TRIM58: variants seen among roughly 807,000 people sequenced by gnomAD.
The protein encoded by TRIM58 is E3 ubiquitin-protein ligase TRIM58.
In TRIM58, 38 loss-of-function variants were observed where a neutral mutation model predicts 34.1. The ratio of observed to expected loss-of-function variants is 1.12; its 90% CI spans 0.86 to 1.46. The LOEUF is 1.46. Among genes scored for constraint, TRIM58 ranks in the 40% most tolerant of loss-of-function variants. TRIM58 has a pLI of 0.00. For missense variants in TRIM58, 677 were observed against 642.0 expected (o/e 1.05, Z -0.59); for synonymous variants, 273 against 275.7 (o/e 0.99, Z 0.10).
chr1:247,876,254 G>C lies in TRIM58; in HGVS notation c.1226G>C (p.Arg409Pro). The C allele has an allele frequency of 6.2e-7, 1 of 1,614,144 alleles. No homozygotes were observed. The highest frequency in any genetic ancestry group is 8.5e-7 in the Non-Finnish European group (1 of 1,180,028). ...SVPLLQLESP[R>P]CIGIFLDYEA... ...CCTCTTCTCCAACTGGAAAGTCCTC[G>C]CTGCATTGGGATTTTCTTGGACTAT... Residue 409 changes from arginine (R) to proline (P), a missense_variant, in exon 6 of 6, where the codon CGC becomes CCC. Transcript: ENST00000366481.
At position 247,857,207 on chromosome 1, in the gene TRIM58, G is replaced by C; in HGVS notation, c.-40G>C. The C allele has an allele frequency of 7.7e-7, 1 of 1,306,328 alleles. No individual in the cohort carries two copies. Among genetic ancestry groups the C allele is most frequent in the Non-Finnish European group, 9.8e-7 (1 of 1,022,688 alleles). 80.9% of individuals were successfully genotyped at this position (1,306,328 alleles called of 1,614,324 possible). A position where few individuals can be genotyped will look rare whatever the true frequency, so the allele number is the denominator to read the frequency against. On this transcript the variant is annotated 5_prime_UTR_variant, in exon 1 of 6. Coordinates refer to ENST00000366481, the MANE Select transcript of TRIM58 (RefSeq NM_015431.4). ...CCTGTGCAGACCGCGAGGGGAGACG[G>C]TGCGGGCGGCCGGGAGCGCAGCCCT...
At chr1:247,864,675 C>T (rs377354951) in intron 2 of TRIM58, 30 bp from the exon 3 acceptor site, 1 of 1,609,936 alleles carries the variant, frequency 6.2e-7, no homozygotes, top group African/African-American at 1.3e-5. Flanking sequence ...AGGCCAAGCA[C>T]TGACGATGTG....
At position 247,876,478 on chromosome 1, in the gene TRIM58, G is replaced by T; in HGVS notation, c.1450G>T (p.Asp484Tyr). The T allele has an allele frequency of 6.2e-7, 1 of 1,612,944 alleles. No homozygotes were observed. Among genetic ancestry groups the T allele is most frequent in the East Asian group, 2.2e-5 (1 of 44,872 alleles). Residue 484 changes from aspartate to tyrosine, a missense_variant, in exon 6 of 6, where the codon GAT (aspartate) becomes TAT (tyrosine). Asp to Tyr is a radical substitution (Grantham distance 160). Coordinates refer to ENST00000366481, the MANE Select transcript of TRIM58 (RefSeq NM_015431.4). Reference protein sequence around the residue: ...HLDPASDVRDDHL With the variant: ...HLDPASDVRDYHL ...AGATCCTGCTTCTGATGTAAGAGAT[G>T]ATCATCTCTAAAATTCTGTTCCCAA...
intron 3 of TRIM58, among the ~76,000 whole-genome samples, chr1:247,865,169 C>T (rs1365889278): frequency 6.6e-6 from 1 of 152,132 alleles, no homozygotes; most frequent in Non-Finnish European, 1.5e-5. Context: ...GTGGCACATG[C>T]CTGTAGTCCC....
intron 5 of TRIM58, among the ~76,000 whole-genome samples, chr1:247,869,136 A>G (rs1664001103): frequency 1.3e-5 from 2 of 152,198 alleles, no homozygotes; most frequent in African/African-American, 2.4e-5. Context: ...CTGACCTCAA[A>G]TGATCTGCCT....
At chr1:247,862,816 A>ACTG (rs1663824904) in intron 2 of TRIM58, among the ~76,000 whole-genome samples, 1 of 152,200 alleles carries the variant, frequency 6.6e-6, no homozygotes, top group South Asian at 2.1e-4. Flanking sequence ...TATTCTAAAT[A>ACTG]CTGCAAAACC....
intron 5 of TRIM58, among the ~76,000 whole-genome samples, chr1:247,868,801 G>A (rs577823291): frequency 2.0e-5 from 3 of 152,350 alleles, no homozygotes; most frequent in African/African-American, 4.8e-5. Context: ...TTCTTAGGGC[G>A]AGGTTTGTGA....
intron 3 of TRIM58, 77 bp from the exon 4 acceptor site, chr1:247,867,767 AT>A (rs1283408413): frequency 6.4e-7 from 1 of 1,558,114 alleles, no homozygotes; most frequent in East Asian, 2.2e-5. Flanking sequence ...TTCTAAGGAA[AT>A]TTTTATGGGG....
intron 5 of TRIM58, among the ~76,000 whole-genome samples, chr1:247,869,842 C>T (rs116559617): frequency 0.019 from 2,868 of 152,252 alleles, 50 homozygotes; most frequent in Non-Finnish European, 0.026. Context: ...ATTCATAGCA[C>T]AGTGGAATCG....
At chr1:247,875,776 T>C (rs1659269950) in intron 5 of TRIM58, 124 bp from the exon 6 acceptor site, 1 of 730,448 alleles carries the variant, frequency 1.4e-6, no homozygotes, top group South Asian at 2.2e-5. Flanking sequence ...TACTGATTTG[T>C]TTTCTCTAGG....
At chr1:247,867,741 A>T in intron 3 of TRIM58, 104 bp from the exon 4 acceptor site, 1 of 1,248,670 alleles carries the variant, frequency 8.0e-7, no homozygotes, top group Non-Finnish European at 1.2e-6. Context: ...TTATCTCAAT[A>T]ATGTTTTGCA....
At chr1:247,861,813 A>G (rs1397910692) in intron 2 of TRIM58, among the ~76,000 whole-genome samples, 1 of 152,102 alleles carries the variant, frequency 6.6e-6, no homozygotes, top group African/African-American at 2.4e-5. Flanking sequence ...AAAAGATAAC[A>G]CTTATCCCAG....
rs1663879333 is a variant in TRIM58 at position 247,864,735 on chromosome 1, A to G, written c.547A>G (p.Arg183Gly). 1.9e-6 allele frequency: 3 copies of G among 1,614,174 alleles called. No homozygotes were observed. Among genetic ancestry groups the G allele is most frequent in the South Asian group, 1.1e-5 (1 of 91,068 alleles). The change falls in exon 3 of 6, where the codon AGA becomes GGA. Residue 183 changes from arginine (R) to glycine (G), a missense_variant. Coordinates refer to ENST00000366481, the MANE Select transcript of TRIM58 (RefSeq NM_015431.4). Reference sequence around the variant, plus strand: ...AGTGGAAATGCAGAGGCAGCGCTTCAGATTGGAGTTTGAGAAGCATCGTGG... The same window carrying G: ...AGTGGAAATGCAGAGGCAGCGCTTCGGATTGGAGTTTGAGAAGCATCGTGG... ...EKVEMQRQRF[R>G]LEFEKHRGFL...
Position 247,878,801 on chromosome 1 carries a change from T to C in TRIM58, c.*2312T>C, listed in dbSNP as rs1244797485. ...GTGTAGCCCAGTACTCTGGTCTCACTGTCTCTGCTGAATCCTGTCTCACTG... is the reference window on the plus strand; with the variant it reads ...GTGTAGCCCAGTACTCTGGTCTCACCGTCTCTGCTGAATCCTGTCTCACTG... On this transcript the variant is annotated 3_prime_UTR_variant, in exon 6 of 6. Coordinates refer to ENST00000366481, the MANE Select transcript of TRIM58 (RefSeq NM_015431.4). Among the ~76,000 whole-genome samples, 1 of 152,222 alleles carries C rather than the reference T, an allele frequency of 6.6e-6. No homozygotes were observed. Among genetic ancestry groups the C allele is most frequent in the African/African-American group, 2.4e-5 (1 of 41,468 alleles).
Position 247,864,868 on chromosome 1 carries a change from A to G in TRIM58, c.680A>G (p.Lys227Arg). The change falls in exon 3 of 6, where the codon AAG becomes AGG. Residue 227 changes from lysine (K) to arginine (R), a missense_variant. By Grantham distance (26) the Lys-to-Arg change is conservative (BLOSUM62 2). Transcript: ENST00000366481. ...AAGAGCCGGCTGGTCCAGCAGAGCAAGGCCCTGAAGGAGCTGGCGGATGAG... is the reference window on the plus strand; with the variant it reads ...AAGAGCCGGCTGGTCCAGCAGAGCAGGGCCCTGAAGGAGCTGGCGGATGAG... The part of the protein sequence containing the change: ...ESKSRLVQQS[K>R]ALKELADELQ... 6.2e-7 allele frequency: 1 copy of G among 1,611,118 alleles called. No individual in the cohort carries two copies. Among genetic ancestry groups the G allele is most frequent in the Non-Finnish European group, 8.5e-7 (1 of 1,179,264 alleles).
At chr1:247,867,894 G>T in intron 4 of TRIM58, 27 bp downstream of exon 4, 1 of 1,614,130 alleles carries the variant, frequency 6.2e-7, no homozygotes, top group Non-Finnish European at 8.5e-7. Flanking sequence ...AATTGGTGAA[G>T]GGATTGGGAG....
intron 2 of TRIM58, among the ~76,000 whole-genome samples, chr1:247,864,123 C>T (rs767675280): frequency 3.3e-5 from 5 of 152,068 alleles, no homozygotes; most frequent in African/African-American, 1.2e-4. Context: ...AGATATTTAG[C>T]TGTAATCCAC....
At chr1:247,861,969 CA>C (rs1256834452) in intron 2 of TRIM58, among the ~76,000 whole-genome samples, 2 of 150,790 alleles carry the variant, frequency 1.3e-5, no homozygotes, top group South Asian at 2.1e-4. Context: ...ACTAAAAATA[CA>C]AAAAAAAATT....
intron 3 of TRIM58, 132 bp from the exon 4 acceptor site, chr1:247,867,713 T>A (rs1663963322): frequency 9.5e-7 from 1 of 1,057,808 alleles, no homozygotes; most frequent in South Asian, 1.4e-5. Flanking sequence ...GAAAAGAGAT[T>A]TATTGTCCCC....
Sources: gnomAD v4.1 joint callset for allele counts (sites outside exome capture counted in the v4.1 genomes callset) on GRCh38, gnomAD v4.1.1 for gene constraint, MANE v1.5 for transcripts, NCBI Gene and HGNC (gene_info 2026-07-23, HGNC 2026-07-21) for gene names.